The following CDH22 variants were observed in gnomAD, a reference collection of about 807,000 sequenced individuals.
The protein encoded by CDH22 is cadherin 22, also known as cadherin-22.
CDH22 carries 30 observed loss-of-function variants against 58.4 expected under a neutral mutation model. That is an observed-to-expected ratio of 0.51 (90% CI 0.38 to 0.70). CDH22 has a LOEUF of 0.70. Ranked by LOEUF, CDH22 falls within the 30% of genes least tolerant of loss-of-function variation. CDH22 has a pLI of 0.00. For synonymous variants in CDH22, 513 were observed against 558.2 expected (o/e 0.92, Z 1.14); for missense variants, 1,014 against 1,233.9 (o/e 0.82, Z 2.67).
intron 1 of CDH22, among the ~76,000 whole-genome samples, chr20:46,252,009 C>T (rs1379710115): frequency 6.6e-6 from 1 of 151,980 alleles, no homozygotes; most frequent in Non-Finnish European, 1.5e-5. Context: ...CCCTAGTAGG[C>T]GGTGCCCCTG....
chr20:46,196,396 C>T (rs1420215763), intron 8 of CDH22, among the ~76,000 whole-genome samples: 3 of 151,972 alleles, frequency 2.0e-5, no homozygotes, highest in East Asian at 1.9e-4. Flanking sequence ...GCCTTAGCCT[C>T]CCCAGCAGCT....
At chr20:46,266,299 G>A (rs1452656458) in intron 1 of CDH22, among the ~76,000 whole-genome samples, 1 of 152,186 alleles carries the variant, frequency 6.6e-6, no homozygotes, top group African/African-American at 2.4e-5. Context: ...GCTGTCCGTA[G>A]GATGCACAGC....
intron 4 of CDH22, among the ~76,000 whole-genome samples, chr20:46,217,755 A>G (rs994332350): frequency 6.6e-6 from 1 of 152,018 alleles, no homozygotes. Context: ...ACAAACAGAT[A>G]CACTCTCAAA....
intron 1 of CDH22, among the ~76,000 whole-genome samples, chr20:46,265,132 T>TCAGA (rs1276185881): frequency 2.0e-5 from 3 of 152,196 alleles, no homozygotes; most frequent in Non-Finnish European, 2.9e-5. Context: ...CCGCGCCCTG[T>TCAGA]CAGAACTCAC....
At chr20:46,209,246 T>C (rs2086021629) in intron 7 of CDH22, among the ~76,000 whole-genome samples, 1 of 152,114 alleles carries the variant, frequency 6.6e-6, no homozygotes, top group African/African-American at 2.4e-5. Context: ...CTATGGGGGC[T>C]ATTAGGGCGA....
intron 1 of CDH22, among the ~76,000 whole-genome samples, chr20:46,303,916 G>A (rs1174228115): frequency 1.3e-5 from 2 of 152,160 alleles, no homozygotes; most frequent in Admixed American, 6.5e-5. Context: ...GCAGCGGGAG[G>A]GTATCAGAGG....
intron 1 of CDH22, among the ~76,000 whole-genome samples, chr20:46,291,303 C>CA: frequency 6.6e-6 from 1 of 151,926 alleles, no homozygotes; most frequent in Non-Finnish European, 1.5e-5. Flanking sequence ...ATAAATAAAA[C>CA]AAAAAACAAA....
intron 8 of CDH22, among the ~76,000 whole-genome samples, chr20:46,191,910 C>G (rs2085864113): frequency 6.6e-6 from 1 of 152,106 alleles, no homozygotes; most frequent in Non-Finnish European, 1.5e-5. Flanking sequence ...CTGCTGTGGT[C>G]TCTCTGGCCT....
At chr20:46,175,511 C>T (rs765357038) in intron 11 of CDH22, among the ~76,000 whole-genome samples, 4 of 152,134 alleles carry the variant, frequency 2.6e-5, no homozygotes, top group African/African-American at 9.7e-5. Flanking sequence ...CTCTTTCACC[C>T]TCACCCTCCT....
In CDH22 at chr20:46,251,908, C is replaced by G. The variant is rs1366734562; in HGVS notation, c.-399-215G>C. Among the ~76,000 whole-genome samples the G allele has an allele frequency of 6.6e-6, 1 of 152,016 alleles. No individual in the cohort carries two copies. The highest frequency in any genetic ancestry group is 1.5e-5 in the Non-Finnish European group (1 of 67,998). On this transcript the variant is annotated intron_variant, in intron 1 of 11. Coordinates refer to ENST00000537909, the MANE Select transcript of CDH22 (RefSeq NM_021248.3). The surrounding 1 kb of genome is among the most constrained non-coding windows in gnomAD (Gnocchi z 6.7). Reference sequence around the variant, plus strand: ...TCCCGCACATCGCAGCCTCTCCTTTCACCTGGCATCATACGCCCTGTACTC... The same window carrying G: ...TCCCGCACATCGCAGCCTCTCCTTTGACCTGGCATCATACGCCCTGTACTC...
chr20:46,226,549 C>G (rs1185434325), intron 4 of CDH22, among the ~76,000 whole-genome samples: 1 of 152,100 alleles, frequency 6.6e-6, no homozygotes, highest in East Asian at 1.9e-4. Flanking sequence ...TCCCAAAGTC[C>G]TGGGATCACA....
chr20:46,204,287 A>T (rs1352525603), intron 7 of CDH22, among the ~76,000 whole-genome samples: 1 of 151,130 alleles, frequency 6.6e-6, no homozygotes, highest in Non-Finnish European at 1.5e-5. Context: ...CCAGCTACTC[A>T]TGAGGCTGAG....
intron 4 of CDH22, among the ~76,000 whole-genome samples, chr20:46,223,657 T>TTCCTTCTTTC (rs1568664066): frequency 4.3e-5 from 6 of 140,298 alleles, no homozygotes; most frequent in African/African-American, 1.0e-4. Flanking sequence ...TTCTCTTTCT[T>TTCCTTCTTTC]TTTCTTTCCT....
chr20:46,299,252 C>G (rs1027018252), intron 1 of CDH22, among the ~76,000 whole-genome samples: 3 of 152,220 alleles, frequency 2.0e-5, no homozygotes, highest in African/African-American at 7.2e-5. Flanking sequence ...TTTGCTCATG[C>G]TCTTTCCACC....
At position 46,241,835 on chromosome 20, in the gene CDH22, C is replaced by T. The variant is rs1268002681; in HGVS notation, c.256-578G>A. Reference sequence around the variant, plus strand: ...CCAGCACTTCTCAAACTCTAGTATGCATGCAGTTCACCTGGGGATCTTGTT... The same window carrying T: ...CCAGCACTTCTCAAACTCTAGTATGTATGCAGTTCACCTGGGGATCTTGTT... On this transcript the variant is annotated intron_variant, in intron 2 of 11. Coordinates refer to ENST00000537909, the MANE Select transcript of CDH22 (RefSeq NM_021248.3). This position sits in a 1 kb window ranked among gnomAD's most constrained non-coding sequence, Gnocchi z 5.2. 6.6e-6 allele frequency among the ~76,000 whole-genome samples: 1 copy of T among 152,218 alleles called. No individual in the cohort carries two copies. Among genetic ancestry groups the T allele is most frequent in the African/African-American group, 2.4e-5 (1 of 41,456 alleles).
intron 1 of CDH22, among the ~76,000 whole-genome samples, chr20:46,289,500 G>C (rs570598559): frequency 1.3e-5 from 2 of 152,092 alleles, no homozygotes; most frequent in Admixed American, 6.6e-5. Flanking sequence ...TGAATGACTC[G>C]CATAGTTTTT....
intron 1 of CDH22, among the ~76,000 whole-genome samples, chr20:46,299,928 G>T (rs997456667): frequency 6.6e-5 from 10 of 152,068 alleles, no homozygotes; most frequent in Non-Finnish European, 1.5e-4. Context: ...TCATGACAAG[G>T]CTCATTCTGA....
chr20:46,208,021 G>A (rs576340808), intron 7 of CDH22, among the ~76,000 whole-genome samples: 13 of 152,198 alleles, frequency 8.5e-5, no homozygotes, highest in Non-Finnish European at 1.0e-4. Flanking sequence ...ATGACGGAAC[G>A]TTGCCCTCTG....
chr20:46,181,752 C>CTTCCTTTCTTTCTTTCT, intron 10 of CDH22, among the ~76,000 whole-genome samples: 26 of 26,266 alleles, frequency 9.9e-4, no homozygotes, highest in African/African-American at 3.2e-3. Flanking sequence ...TCCTTCCTTC[C>CTTCCTTTCTTTCTTTCT]TTCTTTCTTT....
Sources: allele counts gnomAD v4.1 joint callset (sites outside exome capture counted in the v4.1 genomes callset), GRCh38; gene constraint gnomAD v4.1.1; non-coding constraint Gnocchi (gnomAD v3.1); transcripts MANE v1.5; gene names NCBI Gene and HGNC (gene_info 2026-07-23, HGNC 2026-07-21).